GALK2: variants seen among roughly 807,000 people sequenced by gnomAD.
GALK2 encodes galactokinase 2, also known as N-acetylgalactosamine kinase.
A neutral mutation model predicts 52.4 loss-of-function variants in GALK2; 36 were observed. That is an observed-to-expected ratio of 0.69 (90% confidence interval 0.53 to 0.91). GALK2 has a LOEUF of 0.91. Ranked by LOEUF, GALK2 falls within the 40% of genes least tolerant of loss-of-function variation. The pLI is 0.00. For synonymous variants in GALK2, 176 were observed against 199.1 expected (o/e 0.88, Z 0.98); for missense variants, 579 against 559.1 (o/e 1.04, Z -0.36).
chr15:49,265,946 T>C (rs1376516174), intron 5 of GALK2, among the ~76,000 whole-genome samples: 1 of 152,206 alleles, frequency 6.6e-6, no homozygotes, highest in Non-Finnish European at 1.5e-5. Context: ...GGTATGTCAG[T>C]TAGCTTTTGC....
chr15:49,202,708 A>T (rs1466572484), intron 2 of GALK2, among the ~76,000 whole-genome samples: 1 of 152,128 alleles, frequency 6.6e-6, no homozygotes, highest in Non-Finnish European at 1.5e-5. Context: ...TTTTCTTTGG[A>T]TATATACCTA....
intron 2 of GALK2, 143 bp from the exon 3 acceptor site, chr15:49,217,047 T>A (rs968254360): frequency 1.0e-5 from 6 of 601,366 alleles, no homozygotes; most frequent in Non-Finnish European, 1.7e-5. Flanking sequence ...GGGTTCTATT[T>A]GGCCATCTTG....
In GALK2 at chr15:49,174,500, C is replaced by T. The variant is rs562352837; in HGVS notation, c.53+4125C>T. Among the ~76,000 whole-genome samples, 62 of 152,182 alleles carry T rather than the reference C, an allele frequency of 4.1e-4. 1 individual carries two copies. The South Asian group carries it at 0.012, about 31-fold the overall frequency. On this transcript the variant is annotated intron_variant, in intron 1 of 9. Coordinates refer to ENST00000560031, the MANE Select transcript of GALK2 (RefSeq NM_002044.4). ...AGCTGGGACTACAGGTGCTCACCAC[C>T]ACGCCAGGCTAATTTTTGTATTTTT... is the stretch of plus-strand genomic sequence containing the variant.
chr15:49,227,301 G>A (rs993336792), intron 3 of GALK2, among the ~76,000 whole-genome samples: 1 of 152,002 alleles, frequency 6.6e-6, no homozygotes, highest in African/African-American at 2.4e-5. Flanking sequence ...ATATATCTGG[G>A]TGCTTTGTTG....
rs139487223 is a variant in GALK2, at chr15:49,176,167, A to G, written c.53+5792A>G. Among the ~76,000 whole-genome samples the G allele has an allele frequency of 9.8e-4, 150 of 152,328 alleles. No individual in the cohort carries two copies. In the South Asian group the frequency reaches 0.016, roughly 17 times the overall value. On this transcript the variant is annotated intron_variant, in intron 1 of 9. Transcript: ENST00000560031. ...TAGTCACATCCCTCGCCCTCCTTGC[A>G]CCCATGTGCCAGGGGGCAATCATTT...
intron 3 of GALK2, among the ~76,000 whole-genome samples, chr15:49,355,029 C>A (rs1435682883): frequency 6.6e-6 from 1 of 151,258 alleles, no homozygotes; most frequent in Non-Finnish European, 1.5e-5. Flanking sequence ...AGCTGAGGGT[C>A]CTCTCTGTTA....
chr15:49,232,156 T>C (rs2090537518), intron 3 of GALK2, among the ~76,000 whole-genome samples: 1 of 152,228 alleles, frequency 6.6e-6, no homozygotes, highest in African/African-American at 2.4e-5. Flanking sequence ...CTCTGAAATC[T>C]AGGCAGAGGC....
At chr15:49,233,105 T>C (rs1330261322) in intron 3 of GALK2, among the ~76,000 whole-genome samples, 1 of 152,206 alleles carries the variant, frequency 6.6e-6, no homozygotes, top group Non-Finnish European at 1.5e-5. Context: ...TACCTGAGAC[T>C]GAGTGATTTA....
chr15:49,348,843 T>C (rs572907583), intron 3 of GALK2, among the ~76,000 whole-genome samples: 1 of 152,348 alleles, frequency 6.6e-6, no homozygotes, highest in Admixed American at 6.5e-5. Context: ...CTTAAACTAT[T>C]TGAAAATGAA....
intron 1 of GALK2, among the ~76,000 whole-genome samples, chr15:49,186,759 A>C (rs568649694): frequency 1.3e-5 from 2 of 152,118 alleles, no homozygotes; most frequent in East Asian, 3.9e-4. Flanking sequence ...GGATGGTCTC[A>C]ATCTCTTGAC....
At chr15:49,210,149 C>A (rs1343811874) in intron 2 of GALK2, among the ~76,000 whole-genome samples, 5 of 151,684 alleles carry the variant, frequency 3.3e-5, no homozygotes, top group Admixed American at 2.6e-4. Context: ...CTTTAATGAT[C>A]CTTTGTATTT....
chr15:49,247,736 A>G (rs16962189), intron 5 of GALK2, among the ~76,000 whole-genome samples: 9,193 of 152,268 alleles, frequency 0.06, 556 homozygotes, highest in African/African-American at 0.15. Flanking sequence ...GAGTGAACCC[A>G]TAAGTGTATT....
chr15:49,336,409 A>C (rs1482320044), downstream of GALK2, among the ~76,000 whole-genome samples: 1 of 152,204 alleles, frequency 6.6e-6, no homozygotes, highest in African/African-American at 2.4e-5. Context: ...GCAAGGAGAC[A>C]GCTCCTCAGC....
intron 8 of GALK2, among the ~76,000 whole-genome samples, chr15:49,295,325 C>A (rs201029345): frequency 6.9e-6 from 1 of 145,724 alleles, no homozygotes; most frequent in East Asian, 2.0e-4. Context: ...CTCTCTCTCT[C>A]TCTCTATCTA....
intron 5 of GALK2, among the ~76,000 whole-genome samples, chr15:49,279,342 C>T (rs1285375689): frequency 1.3e-5 from 2 of 152,098 alleles, no homozygotes; most frequent in African/African-American, 4.8e-5. Flanking sequence ...CTGGTTTTTT[C>T]CTCTTAAGAG....
In GALK2 at chr15:49,240,493, C is replaced by T. The variant is rs551652701; in HGVS notation, c.504+1126C>T. 5.9e-5 allele frequency among the ~76,000 whole-genome samples: 9 copies of T among 152,196 alleles called. 1 individual carries two copies. Among genetic ancestry groups the T allele is most frequent in the Admixed American group, 4.6e-4 (7 of 15,294 alleles). ...AAAGAGACAAGTAAATAGGCAACTG[C>T]AATAGAATATAGTAAGTGGATAAGT... On this transcript the variant is annotated intron_variant, in intron 5 of 9. Coordinates refer to ENST00000560031, the MANE Select transcript of GALK2 (RefSeq NM_002044.4).
chr15:49,213,272 C>T (rs1254127684), intron 2 of GALK2, among the ~76,000 whole-genome samples: 1 of 152,104 alleles, frequency 6.6e-6, no homozygotes, highest in African/African-American at 2.4e-5. Context: ...TAGTTTTTAT[C>T]TTGAATCCTG....
chr15:49,358,078 GGACGTATTTCAAA>G (rs1176591581), intron 3 of GALK2, among the ~76,000 whole-genome samples: 1 of 151,980 alleles, frequency 6.6e-6, no homozygotes, highest in Non-Finnish European at 1.5e-5. Context: ...GGTATTGATG[GGACGTATTTCAAA>G]ATAATAAGAG....
intron 3 of GALK2, among the ~76,000 whole-genome samples, chr15:49,351,582 C>A (rs1182419418): frequency 6.6e-6 from 1 of 152,216 alleles, no homozygotes; most frequent in Non-Finnish European, 1.5e-5. Flanking sequence ...CTAACACATA[C>A]ACCGTCCCAA....
Sources: allele counts gnomAD v4.1 joint callset (sites outside exome capture counted in the v4.1 genomes callset), GRCh38; gene constraint gnomAD v4.1.1; transcripts MANE v1.5; gene names NCBI Gene and HGNC (gene_info 2026-07-23, HGNC 2026-07-21).